The following MYO16 variants were observed in gnomAD, a reference collection of about 807,000 sequenced individuals.
The protein encoded by MYO16 is unconventional myosin-XVI.
A neutral mutation model predicts 205.3 loss-of-function variants in MYO16; 94 were observed. The observed-to-expected ratio is 0.46, with a 90% CI of 0.39 to 0.54. MYO16 has a LOEUF of 0.54. MYO16 is among the 20% of genes least tolerant of loss of function. The pLI is 0.00. For synonymous variants in MYO16, 988 were observed against 954.0 expected, an observed-to-expected ratio of 1.04 and a Z score of -0.66; for missense variants, 2,315 against 2,387.5, an observed-to-expected ratio of 0.97 and a Z score of 0.63.
At chr13:108,499,348 G>C in the MYO16 span, among the ~76,000 whole-genome samples, 1 of 152,202 alleles carries the variant, frequency 6.6e-6, no homozygotes, top group South Asian at 2.1e-4. Flanking sequence ...GCTAACTCTA[G>C]ATTTTCTGGA....
rs970743984 is a variant in MYO16 at position 109,066,726 on chromosome 13, A to G, written c.3335+11131A>G. Among the ~76,000 whole-genome samples the G allele has an allele frequency of 3.3e-5, 5 of 152,130 alleles. No individual in the cohort carries two copies. The East Asian group carries it at 9.6e-4, about 29-fold the overall frequency. On this transcript the variant is annotated intron_variant, in intron 27 of 34. Transcript: ENST00000457511. ...CTGCTCAACTGGGCCTCTCCAGCAG[A>G]AAGCAGCGGTTGACAGTATTTAAAC...
At chr13:108,503,593 TG>T in the MYO16 span, among the ~76,000 whole-genome samples, 1 of 152,166 alleles carries the variant, frequency 6.6e-6, no homozygotes, top group East Asian at 1.9e-4. Flanking sequence ...GAATTGCAAA[TG>T]TGCCTTTGCA....
chr13:108,775,820 A>T (rs1037082477), intron 4 of MYO16, among the ~76,000 whole-genome samples: 1 of 152,202 alleles, frequency 6.6e-6, no homozygotes, highest in Non-Finnish European at 1.5e-5. Flanking sequence ...CAATTAATTC[A>T]TTCAACGGGA....
upstream of MYO16, among the ~76,000 whole-genome samples, chr13:108,594,235 T>A (rs1243236142): frequency 6.6e-6 from 1 of 152,190 alleles, no homozygotes; most frequent in Non-Finnish European, 1.5e-5. Flanking sequence ...ACCCACAGAA[T>A]ATCCCACTTC....
chr13:109,203,648 C>T (rs1474033673), intron 34 of MYO16, among the ~76,000 whole-genome samples: 1 of 152,150 alleles, frequency 6.6e-6, no homozygotes, highest in East Asian at 1.9e-4. Flanking sequence ...GCAAATCTAG[C>T]CCTGTGTTTC....
rs561330418 is a variant in MYO16 at position 108,846,796 on chromosome 13, T to C, written c.1248+2303T>C. Among the ~76,000 whole-genome samples the C allele has an allele frequency of 3.3e-5, 5 of 152,292 alleles. No homozygotes were observed. In the South Asian group the frequency reaches 6.2e-4, roughly 19 times the overall value. On this transcript the variant is annotated intron_variant, in intron 10 of 34. Coordinates refer to ENST00000457511, the MANE Select transcript of MYO16 (RefSeq NM_001198950.3). ...ATTGTTTTGAAGTATTTTTTCTTAA[T>C]TCATTTATATAAATTGTGGGAAATC... is the stretch of plus-strand genomic sequence containing the variant.
chr13:108,503,250 G>T, the MYO16 span, among the ~76,000 whole-genome samples: 1 of 152,250 alleles, frequency 6.6e-6, no homozygotes, highest in East Asian at 1.9e-4. Flanking sequence ...CTGAGATGGT[G>T]AATATGTGGA....
rs187694626 is a variant in MYO16 at position 108,685,599 on chromosome 13, G to A, written c.292+19450G>A. 1.1e-3 allele frequency among the ~76,000 whole-genome samples: 171 copies of A among 152,282 alleles called. 3 individuals are homozygous for A. Among genetic ancestry groups the A allele is most frequent in the South Asian group, 6.2e-4 (3 of 4,828 alleles). On this transcript the variant is annotated intron_variant, in intron 2 of 34. Coordinates refer to ENST00000457511, the MANE Select transcript of MYO16 (RefSeq NM_001198950.3). The stretch of plus-strand genomic sequence containing the variant: ...GTTATACAAGGAAGGTCCCAGATGA[G>A]GCTGGGAGGGCCTTCAAATATCCCG...
the MYO16 span, among the ~76,000 whole-genome samples, chr13:108,585,312 A>T: frequency 6.6e-6 from 1 of 152,204 alleles, no homozygotes; most frequent in African/African-American, 2.4e-5. Context: ...AAGGCGAGAC[A>T]ACTCAAAGAG....
chr13:108,858,586 A>AC (rs1878308531), intron 11 of MYO16, among the ~76,000 whole-genome samples: 1 of 151,924 alleles, frequency 6.6e-6, no homozygotes, highest in South Asian at 2.1e-4. Context: ...ACAGAAGGCC[A>AC]CCCCCACTGC....
At chr13:109,147,820 T>A in intron 32 of MYO16, among the ~76,000 whole-genome samples, 1 of 152,172 alleles carries the variant, frequency 6.6e-6, no homozygotes, top group East Asian at 1.9e-4. Context: ...TCCAGAACCA[T>A]TTTAAATCAA....
intron 22 of MYO16, among the ~76,000 whole-genome samples, chr13:109,012,961 TG>T (rs1885654586): frequency 6.6e-6 from 1 of 151,648 alleles, no homozygotes; most frequent in Non-Finnish European, 1.5e-5. Flanking sequence ...GTTTTTTTTT[TG>T]TTTTTGTTTT....
intron 27 of MYO16, among the ~76,000 whole-genome samples, chr13:109,060,298 T>C (rs1156676892): frequency 6.6e-6 from 1 of 152,162 alleles, no homozygotes; most frequent in Non-Finnish European, 1.5e-5. Context: ...TGGAATACTA[T>C]GCAGCCATAA....
intron 3 of MYO16, among the ~76,000 whole-genome samples, chr13:108,718,866 T>C: frequency 6.6e-6 from 1 of 152,116 alleles, no homozygotes; most frequent in East Asian, 1.9e-4. Flanking sequence ...ATCGTAACCT[T>C]GACCTGCCTG....
chr13:108,602,271 G>C (rs1033123216), intron 1 of MYO16, among the ~76,000 whole-genome samples: 2 of 151,980 alleles, frequency 1.3e-5, no homozygotes, highest in Admixed American at 6.6e-5. Flanking sequence ...ATGGACTGAG[G>C]CACCACCCAC....
chr13:108,786,777 G>T (rs1019866), intron 5 of MYO16, among the ~76,000 whole-genome samples: 30,882 of 152,162 alleles, frequency 0.2, 3,647 homozygotes, highest in African/African-American at 0.33. Flanking sequence ...TGCTCACATC[G>T]TCACCAAGTG....
chr13:108,937,539 A>G (rs1222750853), intron 16 of MYO16, among the ~76,000 whole-genome samples: 9 of 152,146 alleles, frequency 5.9e-5, no homozygotes, highest in Admixed American at 4.6e-4. Flanking sequence ...ATAATCCCAT[A>G]TTTCTCAAAG....
intron 4 of MYO16, among the ~76,000 whole-genome samples, chr13:108,748,541 T>TA (rs1290917030): frequency 1.3e-5 from 2 of 151,928 alleles, no homozygotes; most frequent in Non-Finnish European, 2.9e-5. Context: ...ATAAAGACAT[T>TA]AAATCAATGA....
At chr13:109,043,126 T>C (rs1886933724) in intron 23 of MYO16, among the ~76,000 whole-genome samples, 1 of 152,194 alleles carries the variant, frequency 6.6e-6, no homozygotes, top group Non-Finnish European at 1.5e-5. Context: ...TAAATAAAAA[T>C]GACAGCACAA....
Sources: allele counts gnomAD v4.1 joint callset (sites outside exome capture counted in the v4.1 genomes callset), GRCh38; gene constraint gnomAD v4.1.1; transcripts MANE v1.5; gene names NCBI Gene and HGNC (gene_info 2026-07-23, HGNC 2026-07-21).